The following TET2 variants were observed in gnomAD, a reference collection of about 807,000 sequenced individuals.
TET2 encodes the protein tet methylcytosine dioxygenase 2.
In TET2, 299 loss-of-function variants were observed where a neutral mutation model predicts 142.9. That is an observed-to-expected ratio of 2.09 (90% CI 1.90 to 2.30). The LOEUF is 2.30. Among genes scored for constraint, TET2 ranks in the 30% most tolerant of loss-of-function variants. TET2 has a pLI of 0.00. For missense variants in TET2, 2,418 were observed against 2,378.0 expected (o/e 1.02, Z -0.35); for synonymous variants, 819 against 849.0 (o/e 0.96, Z 0.61).
At chr4:105,246,968 T>G (rs1729613136) in intron 6 of TET2, among the ~76,000 whole-genome samples, 1 of 152,230 alleles carries the variant, frequency 6.6e-6, no homozygotes, top group Non-Finnish European at 1.5e-5. Flanking sequence ...ACCAGTATTT[T>G]TTTGGCAAGT....
intron 1 of TET2, among the ~76,000 whole-genome samples, chr4:105,163,854 A>AGAGAGAGAGAGTGT (rs1553942671): frequency 3.9e-3 from 332 of 85,190 alleles, no homozygotes; most frequent in Non-Finnish European, 6.3e-3. Flanking sequence ...AGAGAGAGAG[A>AGAGAGAGAGAGTGT]GTGTGTGTGT....
Position 105,269,643 on chromosome 4 carries a change from CT to C in TET2, c.4079del (p.Leu1360ArgfsTer3), listed in dbSNP as rs1419973150. 1 of 1,551,606 alleles carries C rather than the reference CT, an allele frequency of 6.4e-7. No homozygotes were observed. On this transcript the variant is annotated frameshift_variant, in exon 9 of 11. Transcript: ENST00000380013. LOFTEE classifies it high-confidence loss of function. ...EYEHRAPECR[L>X]GLKEGRPFSG... Reference sequence around the variant, plus strand: ...TGAACACAGAGCACCAGAGTGCCGTCTGGGTCTGAAGGAAGGCCGTCCATTC... The same window carrying C: ...TGAACACAGAGCACCAGAGTGCCGTCGGGTCTGAAGGAAGGCCGTCCATTC...
At chr4:105,267,999 C>A (rs72963038) in intron 8 of TET2, among the ~76,000 whole-genome samples, 2,036 of 152,212 alleles carry the variant, frequency 0.013, 44 homozygotes, top group African/African-American at 0.045. Flanking sequence ...AAGACTAATA[C>A]TTGACCCCTA....
chr4:105,175,317 G>A (rs1724720823), intron 1 of TET2, among the ~76,000 whole-genome samples: 1 of 151,930 alleles, frequency 6.6e-6, no homozygotes, highest in Admixed American at 6.6e-5. Flanking sequence ...AATATGGTGA[G>A]GGATTAAAAA....
intron 2 of TET2, among the ~76,000 whole-genome samples, chr4:105,197,943 G>A (rs1726187186): frequency 6.6e-6 from 1 of 151,984 alleles, no homozygotes; most frequent in Admixed American, 6.6e-5. Flanking sequence ...TTAGACATTT[G>A]AAAAATTAGA....
At chr4:105,150,913 T>G (rs951583322) in intron 1 of TET2, among the ~76,000 whole-genome samples, 1 of 152,226 alleles carries the variant, frequency 6.6e-6, no homozygotes, top group Non-Finnish European at 1.5e-5. Flanking sequence ...TATGTATGTC[T>G]GCTATTTCCA....
intron 1 of TET2, among the ~76,000 whole-genome samples, chr4:105,171,971 G>C (rs1724493298): frequency 6.6e-6 from 1 of 152,116 alleles, no homozygotes; most frequent in Non-Finnish European, 1.5e-5. Context: ...AAAAGTCAAG[G>C]TTGTCTTTAG....
intron 2 of TET2, among the ~76,000 whole-genome samples, chr4:105,232,037 C>G (rs958573304): frequency 2.6e-5 from 4 of 152,146 alleles, no homozygotes; most frequent in African/African-American, 9.7e-5. Flanking sequence ...CTCCCATCCT[C>G]AAAGTATCCC....
At position 105,275,487 on chromosome 4, in the gene TET2, T is replaced by C. The variant is rs1442918330; in HGVS notation, c.4977T>C (p.Tyr1659=). The change falls in exon 11 of 11, where the codon TAT becomes TAC. Residue 1659 remains tyrosine, a synonymous_variant. Coordinates refer to ENST00000380013, the MANE Select transcript of TET2 (RefSeq NM_001127208.3). ...CCCAGTCTCAGCCGATGGATCTGTA[T>C]AGGTATCCAAGCCAAGACCCTCTGT... The part of the protein sequence containing the change: ...YSPQSQPMDL[Y]RYPSQDPLSK... The C allele has an allele frequency of 6.4e-7, 1 of 1,551,714 alleles. No homozygotes were observed. The highest frequency in any genetic ancestry group is 8.7e-7 in the Non-Finnish European group (1 of 1,146,970).
chr4:105,207,139 GTGAC>G (rs1327291960), intron 2 of TET2, among the ~76,000 whole-genome samples: 3 of 152,126 alleles, frequency 2.0e-5, no homozygotes, highest in Non-Finnish European at 4.4e-5. Context: ...ACTAGAAGAG[GTGAC>G]TGACCAGTTG....
chr4:105,234,540 CT>C lies in TET2; in HGVS notation c.600del (p.Asn202ThrfsTer5), dbSNP rs769523143. 6.2e-7 allele frequency: 1 copy of C among 1,614,160 alleles called. No homozygotes were observed. The highest frequency in any genetic ancestry group is 8.5e-7 in the Non-Finnish European group (1 of 1,180,014). The part of the protein sequence containing the change: ...ANYHDKNIVL[L>X]KNKAVLMPNG... ...TTACCATGACAAGAACATTGTATTA[CT>C]TAAAAACAAGGCAGTGCTAATGCCT... On this transcript the variant is annotated frameshift_variant, in exon 3 of 11. Coordinates refer to ENST00000380013, the MANE Select transcript of TET2 (RefSeq NM_001127208.3). LOFTEE classifies it high-confidence loss of function.
chr4:105,186,563 C>T (rs1343569777), intron 1 of TET2, among the ~76,000 whole-genome samples: 1 of 151,182 alleles, frequency 6.6e-6, no homozygotes, highest in African/African-American at 2.4e-5. Flanking sequence ...GCAACCTCCG[C>T]CTCCTGGAGG....
At chr4:105,192,750 A>G (rs1725858317) in intron 2 of TET2, among the ~76,000 whole-genome samples, 2 of 152,202 alleles carry the variant, frequency 1.3e-5, no homozygotes, top group African/African-American at 4.8e-5. Context: ...AGACACATAC[A>G]AAATAAAATG....
intron 2 of TET2, among the ~76,000 whole-genome samples, chr4:105,225,185 CGT>C (rs79864807): frequency 1.3e-4 from 19 of 147,156 alleles, no homozygotes; most frequent in East Asian, 6.0e-4. Context: ...AGTAAAAAAT[CGT>C]GTGTGTGTGT....
chr4:105,252,403 G>A (rs1308149547), intron 6 of TET2, among the ~76,000 whole-genome samples: 3 of 152,072 alleles, frequency 2.0e-5, no homozygotes, highest in Non-Finnish European at 4.4e-5. Context: ...TATCACAGTT[G>A]ATTTATCCAT....
chr4:105,234,742 C>G lies in TET2; in HGVS notation c.800C>G (p.Pro267Arg), dbSNP rs767332628. ...GAGTTGTCCTGTGAGATCACTCACC[C>G]ATCGCATACCTCAGGGCAGATCAAT... ...TNELSCEITH[P>R]SHTSGQINSA... The change falls in exon 3 of 11, where the codon CCA becomes CGA. Residue 267 changes from proline (P) to arginine (R), a missense_variant. Coordinates refer to ENST00000380013, the MANE Select transcript of TET2 (RefSeq NM_001127208.3). The G allele has an allele frequency of 1.2e-6, 2 of 1,613,848 alleles. No individual in the cohort carries two copies. Among genetic ancestry groups the G allele is most frequent in the Admixed American group, 1.7e-5 (1 of 59,952 alleles).
At chr4:105,238,778 C>T in intron 3 of TET2, 1 of 238,992 alleles carries the variant, frequency 4.2e-6, no homozygotes, top group East Asian at 6.5e-5. Context: ...GACCCCCTCC[C>T]ATGAATTATG....
intron 7 of TET2, among the ~76,000 whole-genome samples, chr4:105,260,348 G>A (rs183985441): frequency 6.6e-6 from 1 of 151,870 alleles, no homozygotes; most frequent in Non-Finnish European, 1.5e-5. Flanking sequence ...ACAACTTTTG[G>A]GTGGCATGTA....
intron 6 of TET2, among the ~76,000 whole-genome samples, chr4:105,250,941 CA>C (rs1729843606): frequency 1.3e-5 from 2 of 152,108 alleles, no homozygotes; most frequent in South Asian, 4.1e-4. Flanking sequence ...CTTGGCCTCC[CA>C]AAGTACTGGG....
Sources: allele counts gnomAD v4.1 joint callset (sites outside exome capture counted in the v4.1 genomes callset), GRCh38; gene constraint gnomAD v4.1.1; transcripts MANE v1.5; gene names NCBI Gene and HGNC (gene_info 2026-07-23, HGNC 2026-07-21).